Variants in GALNT17 observed in about 807,000 individuals in gnomAD.
The protein encoded by GALNT17 is UDP-GalNAc:polypeptide N-acetylgalactosaminyltransferase-like 3.
GALNT17 carries 29 observed loss-of-function variants against 63.7 expected under a neutral mutation model. That is an observed-to-expected ratio of 0.46 (90% confidence interval 0.34 to 0.62). The LOEUF (loss-of-function observed/expected upper bound fraction) is 0.62, where lower values mean the gene tolerates loss of function less well. GALNT17 is among the 20% of genes least tolerant of loss of function. The probability of loss-of-function intolerance (pLI) is 0.01; values close to 1 mark genes in which losing one functional copy is unlikely to be tolerated. For missense variants in GALNT17, 603 were observed against 799.6 expected (o/e 0.75, Z 2.97); for synonymous variants, 305 against 318.3 (o/e 0.96, Z 0.45).
In GALNT17 at chr7:71,272,149, C is replaced by T. The variant is rs535690575; in HGVS notation, c.239-63401C>T. Reference sequence around the variant, plus strand: ...GTAACCTTTGGGGCCTGGCTTCTTTCACTTGAATGATTTTGATACATGCTA... The same window carrying T: ...GTAACCTTTGGGGCCTGGCTTCTTTTACTTGAATGATTTTGATACATGCTA... On this transcript the variant is annotated intron_variant, in intron 1 of 10. Transcript: ENST00000333538. Among the ~76,000 whole-genome samples the T allele has an allele frequency of 2.0e-5, 3 of 152,332 alleles. No individual in the cohort carries two copies. The East Asian group carries it at 5.8e-4, about 29-fold the overall frequency.
chr7:71,158,486 C>T (rs2116240890), intron 1 of GALNT17, among the ~76,000 whole-genome samples: 1 of 151,864 alleles, frequency 6.6e-6, no homozygotes, highest in East Asian at 1.9e-4. Context: ...CCTCCTCCTC[C>T]TGGATTCAAG....
intron 8 of GALNT17, among the ~76,000 whole-genome samples, chr7:71,671,863 G>T (rs960131829): frequency 6.6e-6 from 1 of 151,790 alleles, no homozygotes; most frequent in African/African-American, 2.4e-5. Context: ...TGTCTATATA[G>T]ATATATATAT....
chr7:71,365,601 C>G (rs928301374), intron 2 of GALNT17, among the ~76,000 whole-genome samples: 1 of 152,182 alleles, frequency 6.6e-6, no homozygotes, highest in Non-Finnish European at 1.5e-5. Context: ...ATAGTAAGCA[C>G]TGTATTGAAA....
chr7:71,132,941 G>A lies in GALNT17; in HGVS notation c.139G>A (p.Glu47Lys), dbSNP rs998581287. 6.2e-7 allele frequency: 1 copy of A among 1,610,850 alleles called. No individual in the cohort carries two copies. The highest frequency in any genetic ancestry group is 1.7e-5 in the Admixed American group (1 of 59,976). The change falls in exon 1 of 11, where the codon GAG becomes AAG. Residue 47 changes from glutamate (E) to lysine (K), a missense_variant. Coordinates refer to ENST00000333538, the MANE Select transcript of GALNT17 (RefSeq NM_022479.3). ...CTTCCACGAGATCCGGCCGCGCGCCGAGGTGGCCAACCTCAGCGCGCACAG... is the reference window on the plus strand; with the variant it reads ...CTTCCACGAGATCCGGCCGCGCGCCAAGGTGGCCAACCTCAGCGCGCACAG... ...DAFHEIRPRA[E>K]VANLSAHSAS... is the part of the protein sequence containing the mutation.
chr7:71,599,348 C>T (rs1159328678), intron 6 of GALNT17, among the ~76,000 whole-genome samples: 2 of 152,156 alleles, frequency 1.3e-5, no homozygotes, highest in Non-Finnish European at 2.9e-5. Context: ...CAGTGAACCT[C>T]TAAGGGTCTC....
intron 1 of GALNT17, among the ~76,000 whole-genome samples, chr7:71,324,207 C>G (rs1791663949): frequency 6.6e-6 from 1 of 152,088 alleles, no homozygotes; most frequent in South Asian, 2.1e-4. Context: ...TTCAAGCAAG[C>G]AGTGTTCAGA....
chr7:71,158,718 A>G (rs1788283690), intron 1 of GALNT17, among the ~76,000 whole-genome samples: 1 of 151,702 alleles, frequency 6.6e-6, no homozygotes, highest in African/African-American at 2.4e-5. Context: ...CTCCGACTAC[A>G]GGCGCCTGCC....
chr7:71,214,899 A>T (rs1293302066), intron 1 of GALNT17, among the ~76,000 whole-genome samples: 2 of 152,004 alleles, frequency 1.3e-5, no homozygotes, highest in Non-Finnish European at 2.9e-5. Flanking sequence ...CTTCACAGAC[A>T]CCCTTCAATA....
chr7:71,681,074 A>AT (rs995496385), intron 9 of GALNT17, among the ~76,000 whole-genome samples: 5 of 151,550 alleles, frequency 3.3e-5, no homozygotes, highest in Non-Finnish European at 7.4e-5. Flanking sequence ...TCAATTTTCC[A>AT]TTTTTTTGTA....
chr7:71,687,380 G>A (rs549939367), intron 9 of GALNT17, among the ~76,000 whole-genome samples: 5 of 152,288 alleles, frequency 3.3e-5, no homozygotes, highest in East Asian at 3.9e-4. Flanking sequence ...GGGCTCTGGC[G>A]AGCTATTAGC....
chr7:71,580,634 G>T (rs961095060), intron 6 of GALNT17, among the ~76,000 whole-genome samples: 1 of 152,154 alleles, frequency 6.6e-6, no homozygotes, highest in Non-Finnish European at 1.5e-5. Context: ...TTGTGACAGT[G>T]GGAGAGGAAT....
At chr7:71,298,356 C>T (rs577944901) in intron 1 of GALNT17, among the ~76,000 whole-genome samples, 2 of 138,072 alleles carry the variant, frequency 1.4e-5, no homozygotes, top group East Asian at 4.3e-4. Context: ...TATCAATAAA[C>T]TAATGGCTGT....
At chr7:71,345,728 C>T (rs1228657672) in intron 2 of GALNT17, among the ~76,000 whole-genome samples, 1 of 152,136 alleles carries the variant, frequency 6.6e-6, no homozygotes, top group South Asian at 2.1e-4. Flanking sequence ...CAAATCTACT[C>T]ATGGCTCAAT....
chr7:71,283,080 G>A (rs1790805977), intron 1 of GALNT17, among the ~76,000 whole-genome samples: 1 of 151,988 alleles, frequency 6.6e-6, no homozygotes, highest in Admixed American at 6.6e-5. Flanking sequence ...TACCCATGCA[G>A]GAGTGCCATG....
Position 71,430,164 on chromosome 7 carries a change from CA to C in GALNT17, c.962+9067del, listed in dbSNP as rs547782917. Among the ~76,000 whole-genome samples, 187 of 151,570 alleles carry C rather than the reference CA, an allele frequency of 1.2e-3. 1 individual carries two copies. Among genetic ancestry groups the C allele is most frequent in the African/African-American group, 4.4e-3 (180 of 41,328 alleles). ...ACCTGACCCCACCAGGATTTCTTGACAAAAAAAACTACCATAAATTCAGTTG... is the reference window on the plus strand; with the variant it reads ...ACCTGACCCCACCAGGATTTCTTGACAAAAAAACTACCATAAATTCAGTTG... On this transcript the variant is annotated intron_variant, in intron 5 of 10. Coordinates refer to ENST00000333538, the MANE Select transcript of GALNT17 (RefSeq NM_022479.3).
chr7:71,348,113 T>C (rs1008166213), intron 2 of GALNT17, among the ~76,000 whole-genome samples: 4 of 152,052 alleles, frequency 2.6e-5, no homozygotes, highest in African/African-American at 4.8e-5. Flanking sequence ...ATACAAAAAT[T>C]AGCTGAGCGT....
chr7:71,190,072 A>G (rs1198980876), intron 1 of GALNT17, among the ~76,000 whole-genome samples: 1 of 152,096 alleles, frequency 6.6e-6, no homozygotes, highest in Non-Finnish European at 1.5e-5. Context: ...TGGCCTCCCA[A>G]AGTGCTGGGA....
At chr7:71,694,924 A>G (rs1194918061) in intron 9 of GALNT17, among the ~76,000 whole-genome samples, 4 of 152,250 alleles carry the variant, frequency 2.6e-5, no homozygotes, top group Admixed American at 1.3e-4. Context: ...ACAGAAAGCC[A>G]GTGCTTGCTA....
At chr7:71,527,052 G>C (rs980098772) in intron 5 of GALNT17, among the ~76,000 whole-genome samples, 1 of 152,144 alleles carries the variant, frequency 6.6e-6, no homozygotes, top group African/African-American at 2.4e-5. Context: ...AGAATTTTAA[G>C]TTAGAATCTT....
Sources: allele counts gnomAD v4.1 joint callset (sites outside exome capture counted in the v4.1 genomes callset), GRCh38; gene constraint gnomAD v4.1.1; transcripts MANE v1.5; gene names NCBI Gene and HGNC (gene_info 2026-07-23, HGNC 2026-07-21).